The following DAB1 variants were observed in gnomAD, a reference collection of about 807,000 sequenced individuals.
DAB1 encodes disabled homolog 1.
A neutral mutation model predicts 64.6 loss-of-function variants in DAB1; 15 were observed. That is an observed-to-expected ratio of 0.23 (90% CI 0.16 to 0.36). The LOEUF is 0.36. Ranked by LOEUF, DAB1 falls within the 10% of genes least tolerant of loss-of-function variation. DAB1 has a pLI of 1.00. For synonymous variants in DAB1, 235 were observed against 251.9 expected, an observed-to-expected ratio of 0.93 and a Z score of 0.64; for missense variants, 596 against 706.7, an observed-to-expected ratio of 0.84 and a Z score of 1.78.
chr1:57,290,945 A>T lies in DAB1; in HGVS notation c.67+19T>A, dbSNP rs878989291. On this transcript the variant is annotated intron_variant, in intron 2 of 14. Transcript: ENST00000371236. Reference sequence around the variant, plus strand: ...GTGCAGAAAAGTAGCCATTAAAAAAAGGTCAAATTCAGCCCTACCTTTCTT... The same window carrying T: ...GTGCAGAAAAGTAGCCATTAAAAAATGGTCAAATTCAGCCCTACCTTTCTT... The T allele has an allele frequency of 6.3e-7, 1 of 1,593,510 alleles. No homozygotes were observed.
chr1:57,356,915 C>A (rs952591974), intron 1 of DAB1, among the ~76,000 whole-genome samples: 8 of 151,836 alleles, frequency 5.3e-5, no homozygotes, highest in Non-Finnish European at 1.2e-4. Context: ...TGTGATGTGC[C>A]ACTCTGCCAC....
chr1:57,642,959 C>T (rs754427834), intron 7 of DAB1, among the ~76,000 whole-genome samples: 19 of 152,284 alleles, frequency 1.2e-4, no homozygotes, highest in Admixed American at 3.3e-4. Context: ...TGCTGGACTA[C>T]GGCACTTGTT....
chr1:57,680,263 C>A (rs1211422089), intron 6 of DAB1, among the ~76,000 whole-genome samples: 1 of 152,144 alleles, frequency 6.6e-6, no homozygotes, highest in Admixed American at 6.5e-5. Context: ...CAGCTTTGAG[C>A]CTACACTTTA....
chr1:58,471,322 A>C (rs577221262), intron 3 of DAB1, among the ~76,000 whole-genome samples: 1 of 152,304 alleles, frequency 6.6e-6, no homozygotes, highest in African/African-American at 2.4e-5. Flanking sequence ...CTCTCTTCTC[A>C]GGGAGGAAAA....
chr1:57,150,662 G>A (rs1253053324), intron 2 of DAB1, among the ~76,000 whole-genome samples: 1 of 152,174 alleles, frequency 6.6e-6, no homozygotes, highest in African/African-American at 2.4e-5. Context: ...GTAGGGAGAT[G>A]ATTAGGAAGA....
chr1:57,501,933 A>G (rs570989070), intron 7 of DAB1, among the ~76,000 whole-genome samples: 1 of 152,244 alleles, frequency 6.6e-6, no homozygotes, highest in South Asian at 2.1e-4. Flanking sequence ...TGTTTTTAGA[A>G]AAGATCATCG....
At chr1:58,283,500 A>G (rs1204912308) in intron 4 of DAB1, among the ~76,000 whole-genome samples, 1 of 151,908 alleles carries the variant, frequency 6.6e-6, no homozygotes, top group African/African-American at 2.4e-5. Flanking sequence ...TCGGTGGCAC[A>G]TTGAGGCCCA....
chr1:58,039,715 G>T (rs1384884531), intron 5 of DAB1, among the ~76,000 whole-genome samples: 1 of 152,138 alleles, frequency 6.6e-6, no homozygotes, highest in East Asian at 1.9e-4. Flanking sequence ...CGGTAGTGAA[G>T]AGTACAGGGG....
rs187250432 is a variant in DAB1, at chr1:57,903,250, A to G, written n.388-19088T>C. ...AACCCTATCAGCATCGGTTGTTAATACTTACTCAATTCAGTTATTGTAACC... is the reference window on the plus strand; with the variant it reads ...AACCCTATCAGCATCGGTTGTTAATGCTTACTCAATTCAGTTATTGTAACC... On this transcript the variant is annotated intron_variant and non_coding_transcript_variant, in intron 5 of 20. Transcript: ENST00000485760. Among the ~76,000 whole-genome samples, 427 of 152,206 alleles carry G rather than the reference A, an allele frequency of 2.8e-3. 1 individual carries two copies. Among genetic ancestry groups the G allele is most frequent in the African/African-American group, 9.6e-3 (400 of 41,542 alleles).
intron 1 of DAB1, among the ~76,000 whole-genome samples, chr1:57,301,598 C>T (rs964343193): frequency 6.6e-6 from 1 of 152,162 alleles, no homozygotes; most frequent in East Asian, 1.9e-4. Context: ...AAACAAACGC[C>T]GCATTTGGCA....
intron 1 of DAB1, among the ~76,000 whole-genome samples, chr1:57,366,956 C>G (rs185489463): frequency 2.6e-5 from 4 of 151,676 alleles, no homozygotes; most frequent in African/African-American, 7.3e-5. Context: ...CCTATAATCC[C>G]GACACTTTGG....
chr1:57,222,208 CAT>C (rs1248759652), intron 2 of DAB1, among the ~76,000 whole-genome samples: 1 of 152,182 alleles, frequency 6.6e-6, no homozygotes, highest in African/African-American at 2.4e-5. Context: ...AACCCAAGGG[CAT>C]AGTCTGTCCT....
intron 6 of DAB1, among the ~76,000 whole-genome samples, chr1:57,681,246 C>G (rs1010726549): frequency 6.6e-6 from 1 of 152,158 alleles, no homozygotes; most frequent in East Asian, 1.9e-4. Flanking sequence ...GGTATTCTCC[C>G]CTTTGCATCT....
At chr1:58,161,646 GTATATA>G (rs1025196544) in intron 4 of DAB1, among the ~76,000 whole-genome samples, 2 of 152,054 alleles carry the variant, frequency 1.3e-5, no homozygotes, top group Non-Finnish European at 2.9e-5. Flanking sequence ...AGACATATAT[GTATATA>G]TATAATTTCT....
intron 9 of DAB1, among the ~76,000 whole-genome samples, chr1:57,047,411 G>C (rs1301894376): frequency 6.6e-6 from 1 of 152,088 alleles, no homozygotes; most frequent in Non-Finnish European, 1.5e-5. Flanking sequence ...GAGGTAATTA[G>C]GGCTAGATTA....
chr1:58,536,659 G>C, intron 1 of DAB1: 4 of 872,814 alleles, frequency 4.6e-6, no homozygotes, highest in Non-Finnish European at 8.0e-6. Context: ...CCAAGGAATA[G>C]CTTCCATTTA....
intron 2 of DAB1, among the ~76,000 whole-genome samples, chr1:57,174,083 G>T (rs1247826674): frequency 1.3e-5 from 2 of 152,154 alleles, no homozygotes; most frequent in African/African-American, 4.8e-5. Context: ...CTAGAAGCAG[G>T]ATAGAAGGAA....
At chr1:58,131,812 C>A (rs963287429) in intron 5 of DAB1, among the ~76,000 whole-genome samples, 1 of 149,662 alleles carries the variant, frequency 6.7e-6, no homozygotes, top group Non-Finnish European at 1.5e-5. Flanking sequence ...GCAGTCTGCC[C>A]GTTCTCAGAT....
intron 1 of DAB1, among the ~76,000 whole-genome samples, chr1:57,350,607 C>A (rs1054778903): frequency 6.6e-6 from 1 of 152,082 alleles, no homozygotes; most frequent in Non-Finnish European, 1.5e-5. Flanking sequence ...TCCTGACTGG[C>A]TGACCCAATC....
Sources: gnomAD v4.1 joint callset for allele counts (sites outside exome capture counted in the v4.1 genomes callset) on GRCh38, gnomAD v4.1.1 for gene constraint, MANE v1.5 for transcripts, NCBI Gene and HGNC (gene_info 2026-07-23, HGNC 2026-07-21) for gene names.